Variants in ZSCAN30 observed in about 807,000 individuals in gnomAD.
ZSCAN30 encodes zinc finger and SCAN domain containing 30, also known as zinc finger and SCAN domain-containing protein 30.
Under a neutral mutation model 44.3 loss-of-function variants are expected in ZSCAN30, and 37 were observed. The ratio of observed to expected loss-of-function variants is 0.84; its 90% CI spans 0.64 to 1.10. The LOEUF is 1.10. Ranked by LOEUF, ZSCAN30 falls within the 50% of genes least tolerant of loss-of-function variation. The pLI is 0.00. For missense variants in ZSCAN30, 549 were observed against 582.6 expected (o/e 0.94, Z 0.59); for synonymous variants, 181 against 204.6 (o/e 0.88, Z 0.98).
At position 35,253,467 on chromosome 18, in the gene ZSCAN30, TTC is replaced by T; in HGVS notation, c.1466_1467del (p.Arg489AsnfsTer16). 1 of 1,580,154 alleles carries T rather than the reference TTC, an allele frequency of 6.3e-7. No individual in the cohort carries two copies. The highest frequency in any genetic ancestry group is 8.6e-7 in the Non-Finnish European group (1 of 1,160,886). ...CCACAGAGTTAAACTCTGGTGTGTGTTCTCTGATGCTGCATAAGGCCTGACCT... is the reference window on the plus strand; with the variant it reads ...CCACAGAGTTAAACTCTGGTGTGTGTTCTGATGCTGCATAAGGCCTGACCT... ...RHRSGLMQHQ[R>X]THTRV On this transcript the variant is annotated frameshift_variant, in exon 4 of 4. Transcript: ENST00000333206. LOFTEE classifies it high-confidence loss of function.
At chr18:35,266,501 TGA>T (rs2143712210) in intron 1 of ZSCAN30, among the ~76,000 whole-genome samples, 1 of 152,196 alleles carries the variant, frequency 6.6e-6, no homozygotes, top group African/African-American at 2.4e-5. Context: ...TTGGCCCTTG[TGA>T]CTAGAGGATG....
chr18:35,264,747 A>G (rs1303720764), intron 1 of ZSCAN30, among the ~76,000 whole-genome samples: 1 of 152,218 alleles, frequency 6.6e-6, no homozygotes, highest in African/African-American at 2.4e-5. Context: ...GCACTATAGT[A>G]TATGATTACA....
rs201460958 is a variant in ZSCAN30, at chr18:35,264,144, C to T, written c.209G>A (p.Arg70Gln). The T allele has an allele frequency of 3.4e-5, 55 of 1,614,244 alleles. 1 individual carries two copies. The East Asian group carries it at 7.1e-4, about 21-fold the overall frequency. The change falls in exon 2 of 4, where the codon CGA becomes CAA. Residue 70 changes from arginine (R) to glutamine (Q), a missense_variant. Arg to Gln is a conservative substitution (Grantham distance 43). Transcript: ENST00000333206. ...CCTCAACCACTGACAGCAAAGCTCT[C>T]GCAGCCGGCTCAGAGCCTCCCGAGG... is the stretch of plus-strand genomic sequence containing the variant. ...TGPREALSRL[R>Q]ELCCQWLRPE...
intron 1 of ZSCAN30, chr18:35,268,224 G>A (rs2044203423): frequency 6.6e-6 from 1 of 152,328 alleles, no homozygotes; most frequent in Non-Finnish European, 1.5e-5. Context: ...TTAGGTTGTG[G>A]AGAGTGTCAA....
intron 1 of ZSCAN30, among the ~76,000 whole-genome samples, chr18:35,274,364 A>G (rs1367233838): frequency 1.3e-5 from 2 of 152,228 alleles, no homozygotes; most frequent in Non-Finnish European, 1.5e-5. Context: ...AGAGAGAATC[A>G]TTGTTTGCTT....
intron 3 of ZSCAN30, chr18:35,257,058 G>C (rs961980818): frequency 1.3e-5 from 2 of 152,238 alleles, no homozygotes; most frequent in Non-Finnish European, 2.9e-5. Context: ...CTACAGGCAC[G>C]AGCCACCACA....
chr18:35,279,059 C>G (rs893774091), intron 1 of ZSCAN30, among the ~76,000 whole-genome samples: 6 of 152,212 alleles, frequency 3.9e-5, no homozygotes, highest in African/African-American at 1.4e-4. Context: ...TCTACAGTCT[C>G]TTCAAGGCTT....
intron 3 of ZSCAN30, among the ~76,000 whole-genome samples, chr18:35,256,508 C>T (rs572930485): frequency 6.6e-6 from 1 of 151,558 alleles, no homozygotes; most frequent in African/African-American, 2.4e-5. Flanking sequence ...TTGCAGTGAA[C>T]CAAGATCACA....
rs911435444 is a variant in ZSCAN30 at position 35,252,162 on chromosome 18, A to G, written c.*1288T>C. The G allele has an allele frequency of 2.2e-4, 34 of 152,170 alleles. No individual in the cohort carries two copies. The highest frequency in any genetic ancestry group is 8.0e-4 in the African/African-American group (33 of 41,436). 9.4% of individuals were successfully genotyped at this position (152,170 alleles called of 1,614,324 possible). A position where few individuals can be genotyped will look rare whatever the true frequency, so the allele number is the denominator to read the frequency against. ...GTTGCTTTTCCTCTTCCTACTTATAATCACTGAGTTGGGGAGCCTATTCTA... is the reference window on the plus strand; with the variant it reads ...GTTGCTTTTCCTCTTCCTACTTATAGTCACTGAGTTGGGGAGCCTATTCTA... On this transcript the variant is annotated 3_prime_UTR_variant, in exon 4 of 4. Transcript: ENST00000333206.
chr18:35,276,130 T>A (rs975031303), intron 1 of ZSCAN30, among the ~76,000 whole-genome samples: 1 of 152,184 alleles, frequency 6.6e-6, no homozygotes, highest in East Asian at 1.9e-4. Flanking sequence ...TTTGACTGAT[T>A]TGGATATCAA....
intron 1 of ZSCAN30, among the ~76,000 whole-genome samples, chr18:35,272,356 T>G (rs116323783): frequency 0.011 from 1,670 of 146,706 alleles, 34 homozygotes; most frequent in African/African-American, 0.04. Context: ...GAAAGTTTTT[T>G]TTTTTTTTTT....
intron 1 of ZSCAN30, among the ~76,000 whole-genome samples, chr18:35,272,735 T>C (rs1303377092): frequency 6.6e-6 from 1 of 152,198 alleles, no homozygotes; most frequent in Non-Finnish European, 1.5e-5. Flanking sequence ...ATTAGTCCGT[T>C]TTCACGCTGC....
chr18:35,264,854 A>G (rs2044111987), intron 1 of ZSCAN30, among the ~76,000 whole-genome samples: 1 of 152,228 alleles, frequency 6.6e-6, no homozygotes, highest in Admixed American at 6.5e-5. Context: ...AATCAAAATT[A>G]TGCCCATTTT....
At chr18:35,284,234 A>G (rs1689441661) in intron 1 of ZSCAN30, 1 of 152,474 alleles carries the variant, frequency 6.6e-6, no homozygotes, top group Non-Finnish European at 1.5e-5. Context: ...AGAGAGGAAG[A>G]AGTGCATGCT....
rs575610215 is a variant in ZSCAN30, at chr18:35,252,417, T to G, written c.*1033A>C. 6.6e-6 allele frequency: 1 copy of G among 152,342 alleles called. No homozygotes were observed. Among genetic ancestry groups the G allele is most frequent in the Non-Finnish European group, 1.5e-5 (1 of 68,032 alleles). The allele number at this position is 152,342 out of a possible 1,614,324, so 9.4% of individuals were successfully genotyped here. On this transcript the variant is annotated 3_prime_UTR_variant, in exon 4 of 4. Coordinates refer to ENST00000333206, the MANE Select transcript of ZSCAN30 (RefSeq NM_001112734.4). The stretch of plus-strand genomic sequence containing the variant: ...CCAGGCTCTGCTATTCCCCATTCCC[T>G]GCCCACACCCCTCCTTACCAGGCTT...
intron 1 of ZSCAN30, among the ~76,000 whole-genome samples, chr18:35,271,061 C>T (rs2044262591): frequency 1.3e-5 from 2 of 152,318 alleles, no homozygotes; most frequent in Middle Eastern, 3.4e-3. Context: ...CAGACCTTCA[C>T]AGTGAGTGTT....
intron 3 of ZSCAN30, among the ~76,000 whole-genome samples, chr18:35,255,195 G>T (rs927218194): frequency 6.6e-6 from 1 of 150,962 alleles, no homozygotes; most frequent in Non-Finnish European, 1.5e-5. Context: ...CACAAAACAT[G>T]CCCCATCTCT....
chr18:35,287,617 G>C (rs1399874015), intron 1 of ZSCAN30, among the ~76,000 whole-genome samples: 1 of 144,514 alleles, frequency 6.9e-6, no homozygotes, highest in African/African-American at 2.6e-5. Context: ...CTAAATCTCA[G>C]AGTTGTATGG....
chr18:35,285,413 T>C lies in ZSCAN30; in HGVS notation c.-104+4671A>G, dbSNP rs375054699. 8.8e-4 allele frequency among the ~76,000 whole-genome samples: 134 copies of C among 152,234 alleles called. 1 individual carries two copies. In the South Asian group the frequency reaches 9.3e-3, roughly 11 times the overall value. ...CATTAACCAACTAACAATAATCAAA[T>C]AGTCAACCCAACAGCAGCAGAATAT... On this transcript the variant is annotated intron_variant, in intron 1 of 3. Coordinates refer to ENST00000333206, the MANE Select transcript of ZSCAN30 (RefSeq NM_001112734.4).
Sources: allele counts gnomAD v4.1 joint callset (sites outside exome capture counted in the v4.1 genomes callset), GRCh38; gene constraint gnomAD v4.1.1; transcripts MANE v1.5; gene names NCBI Gene and HGNC (gene_info 2026-07-23, HGNC 2026-07-21).